The following SHISA9 variants were observed in gnomAD, a reference collection of about 807,000 sequenced individuals.
SHISA9 encodes the protein protein shisa-9.
SHISA9 carries 13 observed loss-of-function variants against 38.0 expected under a neutral mutation model. The ratio of observed to expected loss-of-function variants is 0.34; its 90% CI spans 0.22 to 0.54. SHISA9 has a LOEUF of 0.54. Ranked by LOEUF, SHISA9 falls within the 20% of genes least tolerant of loss-of-function variation. SHISA9 has a pLI of 0.91. For synonymous variants in SHISA9, 275 were observed against 242.0 expected (o/e 1.14, Z -1.27); for missense variants, 538 against 575.8 (o/e 0.93, Z 0.67).
intron 2 of SHISA9, among the ~76,000 whole-genome samples, chr16:12,960,139 G>A (rs2071889768): frequency 6.6e-6 from 1 of 152,094 alleles, no homozygotes; most frequent in Admixed American, 6.5e-5. Context: ...ATGCAGCCTT[G>A]AACCCTGGTT....
the SHISA9 span, among the ~76,000 whole-genome samples, chr16:13,457,460 C>G: frequency 2.0e-5 from 3 of 152,038 alleles, no homozygotes; most frequent in Admixed American, 1.3e-4. Context: ...AGTCATCAGA[C>G]TCTCACAGCC....
In SHISA9 at chr16:12,902,006, G is replaced by T; in HGVS notation, c.-59G>T. On this transcript the variant is annotated 5_prime_UTR_variant, in exon 1 of 5. Coordinates refer to ENST00000558583, the MANE Select transcript of SHISA9 (RefSeq NM_001145204.3). ...CTCGGCAGCTTCGGCCGCGCCTCGA[G>T]AGGCGGCCGCAGAGGCTCCAGCGGC... 7.5e-7 allele frequency: 1 copy of T among 1,338,792 alleles called. No homozygotes were observed. Among genetic ancestry groups the T allele is most frequent in the Non-Finnish European group, 9.5e-7 (1 of 1,047,376 alleles). The allele number at this position is 1,338,792 out of a possible 1,614,324, so 82.9% of individuals were successfully genotyped here. A position where few individuals can be genotyped will look rare whatever the true frequency, so the allele number is the denominator to read the frequency against.
chr16:13,562,729 G>A, the SHISA9 span: 1 of 151,452 alleles, frequency 6.6e-6, no homozygotes, highest in South Asian at 2.1e-4. Flanking sequence ...GGAGGCAGAA[G>A]AAGGATTCTA....
intron 4 of SHISA9, among the ~76,000 whole-genome samples, chr16:13,223,751 G>A (rs1050566534): frequency 3.9e-5 from 6 of 152,298 alleles, no homozygotes; most frequent in Non-Finnish European, 5.9e-5. Flanking sequence ...GGAAGGCCAC[G>A]GAAGAGCAAA....
At chr16:13,289,840 C>G in the SHISA9 span, among the ~76,000 whole-genome samples, 1 of 152,178 alleles carries the variant, frequency 6.6e-6, no homozygotes, top group Non-Finnish European at 1.5e-5. Context: ...ACATGATCCC[C>G]AAATTCTCTT....
At chr16:13,338,153 G>A in the SHISA9 span, among the ~76,000 whole-genome samples, 7 of 152,108 alleles carry the variant, frequency 4.6e-5, no homozygotes, top group African/African-American at 7.2e-5. Context: ...CTTACCCAAC[G>A]TGTCACCAGC....
intron 4 of SHISA9, 47 bp downstream of exon 4, chr16:13,213,347 T>C: frequency 6.6e-7 from 1 of 1,524,898 alleles, no homozygotes; most frequent in African/African-American, 1.4e-5. Context: ...GTTGTCAAAG[T>C]TAGCATTAAA....
intron 2 of SHISA9, among the ~76,000 whole-genome samples, chr16:13,053,925 C>T (rs2073281648): frequency 6.6e-6 from 1 of 152,248 alleles, no homozygotes; most frequent in African/African-American, 2.4e-5. Flanking sequence ...AAGAAGCCCA[C>T]TGATACCCTC....
At chr16:13,314,220 T>A in the SHISA9 span, among the ~76,000 whole-genome samples, 340 of 152,118 alleles carry the variant, frequency 2.2e-3, no homozygotes, top group African/African-American at 7.9e-3. Context: ...TTTATTTTTT[T>A]ATTTTTTTTT....
chr16:13,308,213 C>CTTTTTTTTTT, the SHISA9 span, among the ~76,000 whole-genome samples: 1 of 146,134 alleles, frequency 6.8e-6, no homozygotes. Context: ...ATTGTAGGAG[C>CTTTTTTTTTT]TTTTTTTTTT....
the SHISA9 span, among the ~76,000 whole-genome samples, chr16:13,502,736 G>A: frequency 7.2e-5 from 11 of 152,094 alleles, no homozygotes; most frequent in Admixed American, 6.5e-4. Flanking sequence ...AATTAGCCAG[G>A]CGTGGTGGCA....
At chr16:13,056,849 C>T (rs982281520) in intron 2 of SHISA9, among the ~76,000 whole-genome samples, 2 of 152,166 alleles carry the variant, frequency 1.3e-5, no homozygotes, top group African/African-American at 4.8e-5. Flanking sequence ...TGCCACGAAG[C>T]GTTCATTCTC....
At chr16:13,417,397 A>G in the SHISA9 span, among the ~76,000 whole-genome samples, 1 of 152,048 alleles carries the variant, frequency 6.6e-6, no homozygotes, top group Non-Finnish European at 1.5e-5. Flanking sequence ...AAAAATAAGC[A>G]GAGACTGAAT....
At chr16:13,254,149 G>A in the SHISA9 span, among the ~76,000 whole-genome samples, 1 of 152,116 alleles carries the variant, frequency 6.6e-6, no homozygotes, top group Admixed American at 6.5e-5. Flanking sequence ...TTTATTGAAA[G>A]TCTACTATGT....
chr16:13,200,557 C>G (rs551429388), intron 2 of SHISA9, among the ~76,000 whole-genome samples: 2 of 152,204 alleles, frequency 1.3e-5, no homozygotes, highest in Non-Finnish European at 1.5e-5. Flanking sequence ...GGGAAGCAGA[C>G]AGGAACCCTG....
chr16:13,190,526 C>T lies in SHISA9; in HGVS notation c.692-12868C>T, dbSNP rs186184371. Reference sequence around the variant, plus strand: ...GAAACTCTTGCAGAATACAGATGAGCAAGGCCCCCTGCCTTCTAAAACTGG... The same window carrying T: ...GAAACTCTTGCAGAATACAGATGAGTAAGGCCCCCTGCCTTCTAAAACTGG... On this transcript the variant is annotated intron_variant, in intron 2 of 4. Transcript: ENST00000558583. 1.5e-3 allele frequency among the ~76,000 whole-genome samples: 228 copies of T among 152,310 alleles called. 1 individual carries two copies. The highest frequency in any genetic ancestry group is 5.1e-3 in the African/African-American group (210 of 41,564).
At chr16:13,423,647 A>AT in the SHISA9 span, among the ~76,000 whole-genome samples, 201 of 152,266 alleles carry the variant, frequency 1.3e-3, 2 homozygotes, top group African/African-American at 4.8e-3. Flanking sequence ...TCACAGTTCT[A>AT]TATGTCTGTG....
intron 2 of SHISA9, among the ~76,000 whole-genome samples, chr16:13,154,849 C>T (rs774238259): frequency 3.9e-5 from 6 of 152,164 alleles, no homozygotes; most frequent in African/African-American, 7.2e-5. Context: ...AAAGCAGACA[C>T]GGTTACGTGG....
intron 1 of SHISA9, chr16:12,910,702 A>C: frequency 2.0e-6 from 2 of 985,458 alleles, no homozygotes; most frequent in South Asian, 9.4e-5. Flanking sequence ...CTATCAAGAA[A>C]AAGCTTAGCT....
Sources: gnomAD v4.1 joint callset for allele counts (sites outside exome capture counted in the v4.1 genomes callset) on GRCh38, gnomAD v4.1.1 for gene constraint, MANE v1.5 for transcripts, NCBI Gene and HGNC (gene_info 2026-07-23, HGNC 2026-07-21) for gene names.